VPS8: variants seen among roughly 807,000 people sequenced by gnomAD.
VPS8 encodes the protein VPS8 subunit of CORVET complex, also known as vacuolar protein sorting-associated protein 8 homolog.
Under a neutral mutation model 216.4 loss-of-function variants are expected in VPS8, and 129 were observed. The ratio of observed to expected loss-of-function variants is 0.60; its 90% CI spans 0.52 to 0.69. The LOEUF (loss-of-function observed/expected upper bound fraction) is 0.69, where lower values mean the gene tolerates loss of function less well. VPS8 is among the 30% of genes least tolerant of loss of function. The pLI is 0.00. For missense variants in VPS8, 1,531 were observed against 1,683.5 expected (o/e 0.91, Z 1.59); for synonymous variants, 571 against 565.4 (o/e 1.01, Z -0.14).
intron 40 of VPS8, among the ~76,000 whole-genome samples, chr3:184,977,884 C>T (rs946591715): frequency 1.7e-4 from 22 of 131,284 alleles, no homozygotes; most frequent in South Asian, 2.4e-4. Flanking sequence ...TTTCTTTTTT[C>T]TTTTTTTTTT....
chr3:184,864,322 T>C (rs1321639839), intron 16 of VPS8, among the ~76,000 whole-genome samples: 1 of 152,274 alleles, frequency 6.6e-6, no homozygotes, highest in Non-Finnish European at 1.5e-5. Flanking sequence ...GGAACCCAAA[T>C]GGAGCCTGGA....
At chr3:185,036,567 T>C (rs1254990372) in intron 46 of VPS8, among the ~76,000 whole-genome samples, 1 of 152,012 alleles carries the variant, frequency 6.6e-6, no homozygotes, top group Non-Finnish European at 1.5e-5. Flanking sequence ...TCTTTAATGA[T>C]TAACAGTTTT....
intron 25 of VPS8, among the ~76,000 whole-genome samples, chr3:184,909,084 A>G (rs528489000): frequency 5.3e-5 from 8 of 152,198 alleles, no homozygotes; most frequent in Non-Finnish European, 1.0e-4. Flanking sequence ...ACCCGCCCCT[A>G]TCTGCCTAGG....
intron 25 of VPS8, among the ~76,000 whole-genome samples, chr3:184,905,463 T>C (rs558440800): frequency 6.6e-6 from 1 of 152,298 alleles, no homozygotes; most frequent in African/African-American, 2.4e-5. Flanking sequence ...CTAATTTTTG[T>C]AATTTGACTC....
rs939452584 is a variant in VPS8 at position 184,869,492 on chromosome 3, G to A, written c.1608G>A (p.Gly536=). ...GKAKAVVGLS[G]DASKRKAIVA... ...TTTCCTTCTCTGCAGGATTATCAGG[G>A]GATGCCAGTAAGCGAAAGGCTATTG... Residue 536 remains glycine, a synonymous_variant, in exon 20 of 48, where the codon GGG becomes GGA. Coordinates refer to ENST00000625842, the MANE Select transcript of VPS8 (RefSeq NM_001009921.3). The A allele has an allele frequency of 1.2e-6, 2 of 1,613,324 alleles. No individual in the cohort carries two copies. The highest frequency in any genetic ancestry group is 1.7e-6 in the Non-Finnish European group (2 of 1,179,558).
chr3:184,943,982 A>G (rs1414103443), intron 36 of VPS8, among the ~76,000 whole-genome samples: 1 of 152,110 alleles, frequency 6.6e-6, no homozygotes, highest in African/African-American at 2.4e-5. Flanking sequence ...CACACCTGTA[A>G]TCTCAACTAC....
At chr3:184,846,798 A>G (rs1723222555) in intron 8 of VPS8, among the ~76,000 whole-genome samples, 1 of 152,240 alleles carries the variant, frequency 6.6e-6, no homozygotes. Flanking sequence ...CTGTTGCCCA[A>G]CCATCATATC....
chr3:184,958,612 C>T (rs1042074394), intron 37 of VPS8, among the ~76,000 whole-genome samples: 2 of 152,120 alleles, frequency 1.3e-5, no homozygotes, highest in African/African-American at 2.4e-5. Context: ...AAGTTAATAT[C>T]AAGTTGTCTA....
chr3:184,855,847 C>T (rs548068852), intron 14 of VPS8, 29 bp downstream of exon 14: 1 of 1,545,318 alleles, frequency 6.5e-7, no homozygotes, highest in South Asian at 1.2e-5. Flanking sequence ...ATTAGAAAGC[C>T]TCTTACAATT....
chr3:184,931,352 A>C (rs1263893151), intron 34 of VPS8, among the ~76,000 whole-genome samples: 1 of 152,170 alleles, frequency 6.6e-6, no homozygotes, highest in Non-Finnish European at 1.5e-5. Flanking sequence ...TAACATTTAA[A>C]CTGAGGTAAT....
intron 47 of VPS8, among the ~76,000 whole-genome samples, chr3:185,050,807 C>G (rs981074607): frequency 1.3e-5 from 2 of 152,172 alleles, no homozygotes; most frequent in South Asian, 2.1e-4. Flanking sequence ...CAGCTGTACA[C>G]TCCCCATGGA....
At chr3:184,878,281 T>A (rs992407069) in intron 21 of VPS8, among the ~76,000 whole-genome samples, 1 of 152,036 alleles carries the variant, frequency 6.6e-6, no homozygotes, top group African/African-American at 2.4e-5. Context: ...CAGCTAATTT[T>A]TGTACTTTTA....
intron 26 of VPS8, among the ~76,000 whole-genome samples, chr3:184,913,792 A>G (rs929429242): frequency 2.6e-5 from 4 of 152,146 alleles, no homozygotes; most frequent in African/African-American, 9.7e-5. Flanking sequence ...AAGGGATGCT[A>G]CTGGTATCTA....
At chr3:184,975,953 A>G (rs577605124) in intron 40 of VPS8, among the ~76,000 whole-genome samples, 2 of 152,110 alleles carry the variant, frequency 1.3e-5, no homozygotes, top group East Asian at 1.9e-4. Context: ...TGGGGTGCCA[A>G]CCCCCTTGCA....
At chr3:184,870,896 G>C in intron 21 of VPS8, 91 bp downstream of exon 21, 1 of 1,176,514 alleles carries the variant, frequency 8.5e-7, no homozygotes, top group Non-Finnish European at 1.2e-6. Flanking sequence ...TTTCATTTTT[G>C]GTTAAACATT....
intron 36 of VPS8, among the ~76,000 whole-genome samples, chr3:184,945,201 T>C (rs1413990293): frequency 6.6e-6 from 1 of 152,084 alleles, no homozygotes; most frequent in Admixed American, 6.5e-5. Flanking sequence ...TACATATATA[T>C]TTCTTTATTC....
intron 14 of VPS8, among the ~76,000 whole-genome samples, chr3:184,858,775 C>T (rs934207410): frequency 8.5e-5 from 13 of 152,164 alleles, no homozygotes; most frequent in Non-Finnish European, 1.0e-4. Context: ...CCTTGAGCAT[C>T]CCAAAAAACT....
At chr3:184,817,608 A>T (rs569939783) in intron 1 of VPS8, among the ~76,000 whole-genome samples, 1 of 152,368 alleles carries the variant, frequency 6.6e-6, no homozygotes, top group South Asian at 2.1e-4. Context: ...TATAAGTAGT[A>T]TTCAATTATA....
intron 37 of VPS8, among the ~76,000 whole-genome samples, chr3:184,963,354 G>A (rs1270486252): frequency 6.6e-6 from 1 of 151,982 alleles, no homozygotes; most frequent in Non-Finnish European, 1.5e-5. Flanking sequence ...TCTGCTCTTT[G>A]GTGAGGTTTT....
Sources: gnomAD v4.1 joint callset for allele counts (sites outside exome capture counted in the v4.1 genomes callset) on GRCh38, gnomAD v4.1.1 for gene constraint, MANE v1.5 for transcripts, NCBI Gene and HGNC (gene_info 2026-07-23, HGNC 2026-07-21) for gene names.